FRZB: variants seen among roughly 807,000 people sequenced by gnomAD.
The protein encoded by FRZB is frizzled related protein.
FRZB carries 34 observed loss-of-function variants against 32.5 expected under a neutral mutation model. The observed-to-expected ratio is 1.05, with a 90% confidence interval of 0.80 to 1.39. FRZB has a LOEUF of 1.39. Among genes scored for constraint, FRZB ranks in the 40% most tolerant of loss-of-function variants. FRZB has a pLI of 0.00. For synonymous variants in FRZB, 170 were observed against 159.2 expected (o/e 1.07, Z -0.51); for missense variants, 423 against 424.8 (o/e 1.00, Z 0.04).
chr2:182,841,020 A>T (rs1695580296), intron 3 of FRZB, among the ~76,000 whole-genome samples: 1 of 152,164 alleles, frequency 6.6e-6, no homozygotes, highest in South Asian at 2.1e-4. Flanking sequence ...TTTCAATCTT[A>T]ACAAGCTAAT....
In FRZB at chr2:182,834,531, T is replaced by A. The variant is rs561119088; in HGVS notation, c.*318A>T. On this transcript the variant is annotated 3_prime_UTR_variant, in exon 6 of 6. Coordinates refer to ENST00000295113, the MANE Select transcript of FRZB (RefSeq NM_001463.4). Reference sequence around the variant, plus strand: ...TTGGGGTGCAGAAAGTAAATTAACATCTGGAGACTCCAGCAAAGAGGCTCT... The same window carrying A: ...TTGGGGTGCAGAAAGTAAATTAACAACTGGAGACTCCAGCAAAGAGGCTCT... 102 of 293,930 alleles carry A rather than the reference T, an allele frequency of 3.5e-4. No individual in the cohort carries two copies. The highest frequency in any genetic ancestry group is 2.1e-3 in the African/African-American group (99 of 46,578). 18.2% of individuals were successfully genotyped at this position (293,930 alleles called of 1,614,324 possible). A position where few individuals can be genotyped will look rare whatever the true frequency, so the allele number is the denominator to read the frequency against.
intron 2 of FRZB, among the ~76,000 whole-genome samples, chr2:182,848,869 A>G (rs1388287603): frequency 3.3e-5 from 5 of 152,198 alleles, no homozygotes; most frequent in Non-Finnish European, 7.4e-5. Flanking sequence ...ATCTATGGCA[A>G]TGAAAATCAG....
intron 2 of FRZB, among the ~76,000 whole-genome samples, chr2:182,845,953 GA>G (rs1217247566): frequency 6.6e-6 from 1 of 152,214 alleles, no homozygotes; most frequent in African/African-American, 2.4e-5. Context: ...GTACTTCGCA[GA>G]AGTTAGTCTG....
In FRZB at chr2:182,838,943, A is replaced by T. The variant is rs897909818; in HGVS notation, c.593-330T>A. The stretch of plus-strand genomic sequence containing the variant: ...ACAATCTGATACAATTTTTCTCTAA[A>T]ATTCCATTTTGGATGTGTATATATG... On this transcript the variant is annotated intron_variant, in intron 3 of 5. Coordinates refer to ENST00000295113, the MANE Select transcript of FRZB (RefSeq NM_001463.4). Among the ~76,000 whole-genome samples the T allele has an allele frequency of 4.1e-4, 62 of 152,150 alleles. 1 individual carries two copies. The highest frequency in any genetic ancestry group is 1.4e-3 in the African/African-American group (60 of 41,456).
At chr2:182,861,712 T>C (rs1040909651) in intron 1 of FRZB, among the ~76,000 whole-genome samples, 10 of 152,216 alleles carry the variant, frequency 6.6e-5, no homozygotes, top group African/African-American at 2.2e-4. Flanking sequence ...TCTCTATTTG[T>C]TGGCTGTTGG....
chr2:182,849,206 G>A (rs1268612721), intron 2 of FRZB, among the ~76,000 whole-genome samples: 2 of 151,580 alleles, frequency 1.3e-5, no homozygotes, highest in African/African-American at 2.4e-5. Context: ...CAGCCTGGGC[G>A]ACAGAGCAAG....
At chr2:182,855,969 A>G (rs1695763920) in intron 2 of FRZB, among the ~76,000 whole-genome samples, 1 of 152,186 alleles carries the variant, frequency 6.6e-6, no homozygotes, top group African/African-American at 2.4e-5. Flanking sequence ...GAAACATTGA[A>G]GCCAGAAGGA....
At position 182,858,770 on chromosome 2, in the gene FRZB, A is replaced by T; in HGVS notation, c.526+16T>A. 1 of 1,588,594 alleles carries T rather than the reference A, an allele frequency of 6.3e-7. No homozygotes were observed. The highest frequency in any genetic ancestry group is 1.1e-5 in the South Asian group (1 of 88,036). On this transcript the variant is annotated intron_variant, in intron 2 of 5. Transcript: ENST00000295113. Reference sequence around the variant, plus strand: ...CTGACCACAAATGAAAACCAGGAAGATAATGATATACTCACCACTGCTTGC... The same window carrying T: ...CTGACCACAAATGAAAACCAGGAAGTTAATGATATACTCACCACTGCTTGC...
intron 3 of FRZB, 145 bp downstream of exon 3, chr2:182,842,333 G>A (rs1411580818): frequency 1.6e-6 from 1 of 630,404 alleles, no homozygotes; most frequent in African/African-American, 1.8e-5. Context: ...GGGGCAGAGG[G>A]ACTATGCTCC....
At chr2:182,853,861 A>G (rs976405215) in intron 2 of FRZB, among the ~76,000 whole-genome samples, 1 of 152,246 alleles carries the variant, frequency 6.6e-6, no homozygotes, top group African/African-American at 2.4e-5. Context: ...CAGCTATCAT[A>G]TTGTAGAAAT....
At chr2:182,860,853 C>T (rs1295479730) in intron 1 of FRZB, among the ~76,000 whole-genome samples, 5 of 132,648 alleles carry the variant, frequency 3.8e-5, no homozygotes, top group East Asian at 2.1e-4. Flanking sequence ...AGTGACAGAG[C>T]GAGACTGTCT....
chr2:182,849,183 C>T (rs1461187639), intron 2 of FRZB, among the ~76,000 whole-genome samples: 6 of 151,570 alleles, frequency 4.0e-5, no homozygotes, highest in Admixed American at 2.6e-4. Context: ...GCTGAGATCG[C>T]GCCACTGCAC....
chr2:182,838,468 AG>A lies in FRZB; in HGVS notation c.737del (p.Pro246LeufsTer29). 1 of 1,612,956 alleles carries A rather than the reference AG, an allele frequency of 6.2e-7. No individual in the cohort carries two copies. Among genetic ancestry groups the A allele is most frequent in the Non-Finnish European group, 8.5e-7 (1 of 1,179,238 alleles). ...NLYTSSGCLC[P>X]PLNVNEEYII... ...TATATTCCTCATTAACATTAAGTGG[AG>A]GGCAGAGGCAGCCAGAGCTGGTATA... On this transcript the variant is annotated frameshift_variant, in exon 4 of 6. Transcript: ENST00000295113. LOFTEE classifies it high-confidence loss of function.
chr2:182,851,202 G>A (rs1695706194), intron 2 of FRZB, among the ~76,000 whole-genome samples: 1 of 152,076 alleles, frequency 6.6e-6, no homozygotes, highest in Non-Finnish European at 1.5e-5. Flanking sequence ...TGTTTCCTTT[G>A]ATGTGCAGAA....
chr2:182,857,302 T>C (rs1695779723), intron 2 of FRZB, among the ~76,000 whole-genome samples: 1 of 152,040 alleles, frequency 6.6e-6, no homozygotes, highest in Admixed American at 6.6e-5. Flanking sequence ...CTTAGATGGG[T>C]ATTTATAGCA....
intron 1 of FRZB, among the ~76,000 whole-genome samples, chr2:182,862,602 T>C (rs936733704): frequency 3.9e-5 from 6 of 152,222 alleles, no homozygotes; most frequent in Non-Finnish European, 7.3e-5. Flanking sequence ...TAATAAAAGT[T>C]CTAGGCTGCA....
At chr2:182,857,919 A>G (rs1695789349) in intron 2 of FRZB, among the ~76,000 whole-genome samples, 1 of 152,206 alleles carries the variant, frequency 6.6e-6, no homozygotes. Context: ...CAGCATCATT[A>G]GCCATTAGGG....
At chr2:182,843,743 G>A (rs1695610224) in intron 2 of FRZB, among the ~76,000 whole-genome samples, 1 of 152,104 alleles carries the variant, frequency 6.6e-6, no homozygotes, top group Admixed American at 6.6e-5. Context: ...ACCAGTCTGG[G>A]CAATGTGGCA....
chr2:182,846,961 G>A (rs1177310672), intron 2 of FRZB, among the ~76,000 whole-genome samples: 1 of 152,148 alleles, frequency 6.6e-6, no homozygotes, highest in African/African-American at 2.4e-5. Context: ...AATATGAGAT[G>A]AGAAAGGGAA....
Sources: gnomAD v4.1 joint callset for allele counts (sites outside exome capture counted in the v4.1 genomes callset) on GRCh38, gnomAD v4.1.1 for gene constraint, MANE v1.5 for transcripts, NCBI Gene and HGNC (gene_info 2026-07-23, HGNC 2026-07-21) for gene names.